The following FRMPD4 variants were observed in gnomAD, a reference collection of about 807,000 sequenced individuals.
The protein encoded by FRMPD4 is FERM and PDZ domain-containing protein 4.
Under a neutral mutation model 94.1 loss-of-function variants are expected in FRMPD4, and 22 were observed. The observed-to-expected ratio is 0.23, with a 90% CI of 0.17 to 0.33. FRMPD4 has a LOEUF of 0.33. Ranked by LOEUF, FRMPD4 falls within the 10% of genes least tolerant of loss-of-function variation. The pLI, the probability that FRMPD4 is intolerant of heterozygous loss-of-function variation, is 1.00. For synonymous variants in FRMPD4, 631 were observed against 548.6 expected (o/e 1.15, Z -2.10); for missense variants, 1,111 against 1,339.9 (o/e 0.83, Z 2.67).
At chrX:12,514,125 G>T (rs907908944) in intron 2 of FRMPD4, among the ~76,000 whole-genome samples, 2 of 111,691 alleles carry the variant, frequency 1.8e-5, no homozygotes, top group Non-Finnish European at 3.8e-5. Flanking sequence ...GGGCTGAGAT[G>T]ATGGGGTTTT....
At chrX:12,341,353 T>C (rs1404295988) in intron 1 of FRMPD4, among the ~76,000 whole-genome samples, 2 of 111,693 alleles carry the variant, frequency 1.8e-5, no homozygotes, top group Non-Finnish European at 3.8e-5. Flanking sequence ...ATTTTTTTTT[T>C]CTTCATGGGT....
intron 1 of FRMPD4, among the ~76,000 whole-genome samples, chrX:12,322,885 A>G (rs961759594): frequency 9.0e-6 from 1 of 111,626 alleles, no homozygotes; most frequent in African/African-American, 3.3e-5. Context: ...AACATTAGTT[A>G]TATATTATAT....
chrX:12,517,153 C>T lies in FRMPD4; in HGVS notation c.158+18357C>T, dbSNP rs148423717. Reference sequence around the variant, plus strand: ...CTTCTTTGTATTGGGTTAGAACATACTCCTTTAGCTCAGCAAAGTTCGTTA... The same window carrying T: ...CTTCTTTGTATTGGGTTAGAACATATTCCTTTAGCTCAGCAAAGTTCGTTA... On this transcript the variant is annotated intron_variant, in intron 2 of 16. Coordinates refer to ENST00000675598, the MANE Select transcript of FRMPD4 (RefSeq NM_001368397.1). Among the ~76,000 whole-genome samples, 12 of 110,818 alleles carry T rather than the reference C, an allele frequency of 1.1e-4. No individual in the cohort carries two copies. The East Asian group carries it at 2.6e-3, about 24-fold the overall frequency.
chrX:12,198,677 CTTT>C (rs1391168604), intron 1 of FRMPD4, among the ~76,000 whole-genome samples: 1 of 112,196 alleles, frequency 8.9e-6, no homozygotes, highest in Non-Finnish European at 1.9e-5. Context: ...TTTTGCATTT[CTTT>C]GACTCTCTTA....
At chrX:12,250,979 C>A (rs1235821197) in intron 1 of FRMPD4, among the ~76,000 whole-genome samples, 2 of 111,978 alleles carry the variant, frequency 1.8e-5, no homozygotes, top group East Asian at 5.6e-4. Context: ...TTTTGTTGTT[C>A]CCCTGCTTAA....
chrX:12,123,700 C>T (rs776319619), intron 3 of FRMPD4, among the ~76,000 whole-genome samples: 23 of 111,632 alleles, frequency 2.1e-4, no homozygotes, highest in South Asian at 1.5e-3. Flanking sequence ...CTGGTCTCTA[C>T]CAATTAGAGT....
intron 2 of FRMPD4, among the ~76,000 whole-genome samples, chrX:12,516,236 T>C (rs182476358): frequency 7.0e-4 from 79 of 112,061 alleles, no homozygotes; most frequent in Non-Finnish European, 1.3e-3. Flanking sequence ...TTTAATACTG[T>C]CATCATGATG....
intron 3 of FRMPD4, among the ~76,000 whole-genome samples, chrX:12,055,188 A>C (rs2054847279): frequency 8.9e-6 from 1 of 112,180 alleles, no homozygotes; most frequent in African/African-American, 3.2e-5. Context: ...AATGAAGATA[A>C]GAGTTTGCCT....
At chrX:11,869,655 T>G (rs2053744833) in intron 2 of FRMPD4, among the ~76,000 whole-genome samples, 1 of 111,661 alleles carries the variant, frequency 9.0e-6, no homozygotes, top group Non-Finnish European at 1.9e-5. Context: ...AAATCACGGT[T>G]GAATTTCTTT....
intron 2 of FRMPD4, among the ~76,000 whole-genome samples, chrX:12,519,646 A>G (rs1348728361): frequency 2.7e-5 from 3 of 112,617 alleles, no homozygotes; most frequent in African/African-American, 9.7e-5. Context: ...AATATTTGCA[A>G]ATCATATATC....
At chrX:12,121,871 G>A (rs756737734) in intron 3 of FRMPD4, among the ~76,000 whole-genome samples, 2 of 111,133 alleles carry the variant, frequency 1.8e-5, no homozygotes, top group Non-Finnish European at 3.8e-5. Context: ...GCCTGGTCCC[G>A]CATCATTAGC....
rs752711919 is a variant in FRMPD4 at position 12,023,309 on chromosome X, T to C, written c.95+145291T>C. Among the ~76,000 whole-genome samples the C allele has an allele frequency of 1.9e-4, 21 of 111,483 alleles. No individual in the cohort carries two copies. In the East Asian group the frequency reaches 5.4e-3, roughly 29 times the overall value. ...AGGACACCCAGTCTATGGCATTCTC[T>C]TATAGCAGCCTGAACAGACTAAGAC... is the stretch of plus-strand genomic sequence containing the variant. On this transcript the variant is annotated intron_variant, in intron 3 of 18. Coordinates refer to the FRMPD4 transcript ENST00000640291.
intron 3 of FRMPD4, among the ~76,000 whole-genome samples, chrX:12,000,497 T>C (rs1456977950): frequency 3.6e-5 from 4 of 112,059 alleles, no homozygotes; most frequent in African/African-American, 6.5e-5. Flanking sequence ...AGTATAATAG[T>C]TCGAAGATAG....
At chrX:12,416,722 G>C (rs1280090986) in intron 1 of FRMPD4, among the ~76,000 whole-genome samples, 6 of 111,568 alleles carry the variant, frequency 5.4e-5, no homozygotes, top group Non-Finnish European at 1.1e-4. Context: ...GAGCTGATTT[G>C]TTTCCCTTGT....
chrX:12,403,254 C>T (rs2056628306), intron 1 of FRMPD4, among the ~76,000 whole-genome samples: 2 of 111,843 alleles, frequency 1.8e-5, no homozygotes, highest in Middle Eastern at 4.6e-3. Flanking sequence ...TTTCCTGCCT[C>T]CTTGGGGATC....
At chrX:12,470,439 C>T (rs2057497601) in intron 1 of FRMPD4, among the ~76,000 whole-genome samples, 1 of 111,998 alleles carries the variant, frequency 8.9e-6, no homozygotes, top group Non-Finnish European at 1.9e-5. Context: ...CACCCGCCTT[C>T]ACTGAATTGC....
chrX:12,666,332 G>C (rs1243206148), intron 4 of FRMPD4, among the ~76,000 whole-genome samples: 1 of 111,101 alleles, frequency 9.0e-6, no homozygotes, highest in South Asian at 3.8e-4. Context: ...ATAATAGTGG[G>C]AGACTTTAAC....
chrX:11,973,082 G>A (rs1273028256), intron 3 of FRMPD4, among the ~76,000 whole-genome samples: 1 of 112,180 alleles, frequency 8.9e-6, no homozygotes, highest in Non-Finnish European at 1.9e-5. Context: ...TTTCAGCAAT[G>A]GAATTCAGTA....
chrX:12,099,098 A>C (rs2055232898), intron 3 of FRMPD4, among the ~76,000 whole-genome samples: 1 of 100,806 alleles, frequency 9.9e-6, no homozygotes, highest in African/African-American at 3.6e-5. Flanking sequence ...GAGGGATAGC[A>C]CTGGGAGATA....
Sources: gnomAD v4.1 joint callset for allele counts (sites outside exome capture counted in the v4.1 genomes callset) on GRCh38, gnomAD v4.1.1 for gene constraint, MANE v1.5 for transcripts, NCBI Gene and HGNC (gene_info 2026-07-23, HGNC 2026-07-21) for gene names.